MAN2A1: variants seen among roughly 807,000 people sequenced by gnomAD.
MAN2A1 encodes alpha-mannosidase 2.
MAN2A1 carries 76 observed loss-of-function variants against 142.6 expected under a neutral mutation model. That is an observed-to-expected ratio of 0.53 (90% confidence interval 0.44 to 0.65). The LOEUF is 0.65. Among genes scored for constraint, MAN2A1 ranks in the 30% least tolerant of loss-of-function variants. The pLI is 0.00. For synonymous variants in MAN2A1, 559 were observed against 473.2 expected, an observed-to-expected ratio of 1.18 and a Z score of -2.35; for missense variants, 1,311 against 1,365.1, an observed-to-expected ratio of 0.96 and a Z score of 0.62.
intron 1 of MAN2A1, among the ~76,000 whole-genome samples, chr5:109,710,929 A>G (rs1273216212): frequency 6.6e-6 from 1 of 152,164 alleles, no homozygotes; most frequent in African/African-American, 2.4e-5. Flanking sequence ...AACTCAGGTG[A>G]TCCGCCCGCT....
intron 19 of MAN2A1, 75 bp from the exon 20 acceptor site, chr5:109,855,065 C>T: frequency 3.0e-6 from 2 of 677,630 alleles, no homozygotes; most frequent in Non-Finnish European, 4.5e-6. Context: ...ATATTAAACC[C>T]TCTCAGATAA....
Position 109,770,508 on chromosome 5 carries a change from C to A in MAN2A1, c.1163C>A (p.Pro388Gln). 1 of 1,613,848 alleles carries A rather than the reference C, an allele frequency of 6.2e-7. No homozygotes were observed. Among genetic ancestry groups the A allele is most frequent in the African/African-American group, 1.3e-5 (1 of 75,014 alleles). ...GRFGCPWGVP[P>Q]ETIHPGNVQS... ...TTTGGTTGTCCCTGGGGAGTCCCCC[C>A]AGAAACAATACATCCTGGAAATGTC... Residue 388 changes from proline (P) to glutamine (Q), a missense_variant, in exon 7 of 22, where the codon CCA becomes CAA. Transcript: ENST00000261483.
intron 12 of MAN2A1, among the ~76,000 whole-genome samples, chr5:109,799,005 T>A (rs1194887724): frequency 6.6e-6 from 1 of 152,162 alleles, no homozygotes; most frequent in Non-Finnish European, 1.5e-5. Context: ...TTCTGTTTTT[T>A]AAATGTGTCT....
intron 1 of MAN2A1, among the ~76,000 whole-genome samples, chr5:109,700,904 C>A (rs550588381): frequency 6.6e-6 from 1 of 152,164 alleles, no homozygotes; most frequent in African/African-American, 2.4e-5. Flanking sequence ...ACATATGTTA[C>A]TTGTTTTGAA....
rs776727104 is a variant in MAN2A1 at position 109,823,866 on chromosome 5, CAT to C, written c.2566+32_2566+33del. 2.6e-6 allele frequency: 3 copies of C among 1,134,598 alleles called. No homozygotes were observed. The South Asian group carries it at 4.6e-5, about 17-fold the overall frequency. The allele number at this position is 1,134,598 out of a possible 1,614,324, so 70.3% of individuals were successfully genotyped here. A position where few individuals can be genotyped will look rare whatever the true frequency, so the allele number is the denominator to read the frequency against. On this transcript the variant is annotated intron_variant, in intron 16 of 21. Coordinates refer to ENST00000261483, the MANE Select transcript of MAN2A1 (RefSeq NM_002372.4). Reference sequence around the variant, plus strand: ...AGAAAATAGGAATGCAGTTATGAAACATATGTATTATGGTTTTTGAATTCTTG... The same window carrying C: ...AGAAAATAGGAATGCAGTTATGAAACATGTATTATGGTTTTTGAATTCTTG...
At chr5:109,742,315 G>T (rs1229124156) in intron 4 of MAN2A1, among the ~76,000 whole-genome samples, 2 of 152,190 alleles carry the variant, frequency 1.3e-5, no homozygotes, top group African/African-American at 2.4e-5. Context: ...GTGAAAAGGG[G>T]CTCCAAATGT....
At chr5:109,825,976 G>A (rs368029869) in intron 16 of MAN2A1, among the ~76,000 whole-genome samples, 3 of 134,012 alleles carry the variant, frequency 2.2e-5, no homozygotes, top group East Asian at 4.8e-4. Flanking sequence ...GAGCGATCTC[G>A]GCTCACTGCA....
chr5:109,855,064 C>A, intron 19 of MAN2A1, 76 bp from the exon 20 acceptor site: 22 of 641,918 alleles, frequency 3.4e-5, no homozygotes, highest in South Asian at 1.3e-4. Context: ...TATATTAAAC[C>A]CTCTCAGATA....
At position 109,844,619 on chromosome 5, in the gene MAN2A1, G is replaced by T. The variant is rs181358356; in HGVS notation, c.2701-1246G>T. Reference sequence around the variant, plus strand: ...TGGAGACTAGATTTCTAACATCAGGGTGTTGGCAGGGCCATATTCCCTCCA... The same window carrying T: ...TGGAGACTAGATTTCTAACATCAGGTTGTTGGCAGGGCCATATTCCCTCCA... On this transcript the variant is annotated intron_variant, in intron 17 of 21. Coordinates refer to ENST00000261483, the MANE Select transcript of MAN2A1 (RefSeq NM_002372.4). 3.3e-5 allele frequency among the ~76,000 whole-genome samples: 5 copies of T among 152,232 alleles called. No homozygotes were observed. In the East Asian group the frequency reaches 9.6e-4, roughly 29 times the overall value.
chr5:109,847,393 T>C (rs530812000), intron 18 of MAN2A1, among the ~76,000 whole-genome samples: 2 of 152,352 alleles, frequency 1.3e-5, no homozygotes, highest in East Asian at 1.9e-4. Flanking sequence ...ATCTGTCCTG[T>C]CTCACTTTTA....
In MAN2A1 at chr5:109,810,622, T is replaced by G. The variant is rs3797687; in HGVS notation, c.1944-6651T>G. Among the ~76,000 whole-genome samples, 20 of 152,334 alleles carry G rather than the reference T, an allele frequency of 1.3e-4. No individual in the cohort carries two copies. In the East Asian group the frequency reaches 3.1e-3, roughly 23 times the overall value. Reference sequence around the variant, plus strand: ...ACAAAATGCTCTTTTGATCTCTTTGTTCCCCAGTGATTTCTTCCAGACTTT... The same window carrying G: ...ACAAAATGCTCTTTTGATCTCTTTGGTCCCCAGTGATTTCTTCCAGACTTT... On this transcript the variant is annotated intron_variant, in intron 12 of 21. Transcript: ENST00000261483.
chr5:109,746,262 A>G (rs1239672849), intron 4 of MAN2A1, among the ~76,000 whole-genome samples: 1 of 152,210 alleles, frequency 6.6e-6, no homozygotes, highest in African/African-American at 2.4e-5. Flanking sequence ...GATGTGAACC[A>G]CCGCGTCTGG....
At chr5:109,851,889 A>G (rs1755491064) in intron 19 of MAN2A1, among the ~76,000 whole-genome samples, 1 of 152,090 alleles carries the variant, frequency 6.6e-6, no homozygotes, top group South Asian at 2.1e-4. Context: ...GGTTTAGAAA[A>G]GTGACAGCAT....
intron 6 of MAN2A1, 31 bp downstream of exon 6, chr5:109,767,739 T>C: frequency 6.3e-7 from 1 of 1,586,592 alleles, no homozygotes; most frequent in South Asian, 1.1e-5. Context: ...GTTGATCCCA[T>C]TTGGCCTAGA....
At chr5:109,732,063 G>A (rs1486000564) in intron 4 of MAN2A1, among the ~76,000 whole-genome samples, 1 of 151,970 alleles carries the variant, frequency 6.6e-6, no homozygotes, top group Non-Finnish European at 1.5e-5. Context: ...TCTAACTGGA[G>A]TGAGATGGTA....
At chr5:109,738,362 C>G (rs1236113953) in intron 4 of MAN2A1, among the ~76,000 whole-genome samples, 1 of 151,706 alleles carries the variant, frequency 6.6e-6, no homozygotes, top group African/African-American at 2.4e-5. Flanking sequence ...CACTCCTAGA[C>G]TAAGATTTAT....
At chr5:109,826,049 G>A (rs1754750652) in intron 16 of MAN2A1, among the ~76,000 whole-genome samples, 1 of 151,578 alleles carries the variant, frequency 6.6e-6, no homozygotes, top group Non-Finnish European at 1.5e-5. Flanking sequence ...GGGACTACAG[G>A]TGTACACCAC....
At position 109,789,065 on chromosome 5, in the gene MAN2A1, A is replaced by G. The variant is rs200699568; in HGVS notation, c.1875+17A>G. ...CTGGAGATGGTTAGTAATTTCATCT[A>G]TGGTCATCATAAAAATGTGTAATTC... On this transcript the variant is annotated intron_variant, in intron 11 of 21. Coordinates refer to ENST00000261483, the MANE Select transcript of MAN2A1 (RefSeq NM_002372.4). The G allele has an allele frequency of 5.1e-5, 64 of 1,257,160 alleles. No homozygotes were observed. The highest frequency in any genetic ancestry group is 9.4e-5 in the East Asian group (4 of 42,374). 77.9% of individuals were successfully genotyped at this position (1,257,160 alleles called of 1,614,324 possible). A position where few individuals can be genotyped will look rare whatever the true frequency, so the allele number is the denominator to read the frequency against.
intron 16 of MAN2A1, among the ~76,000 whole-genome samples, chr5:109,824,431 G>T (rs907116385): frequency 1.1e-4 from 16 of 152,186 alleles, no homozygotes; most frequent in African/African-American, 3.1e-4. Context: ...ATTCCATGGG[G>T]TCTGAGTGGA....
Sources: gnomAD v4.1 joint callset for allele counts (sites outside exome capture counted in the v4.1 genomes callset) on GRCh38, gnomAD v4.1.1 for gene constraint, MANE v1.5 for transcripts, NCBI Gene and HGNC (gene_info 2026-07-23, HGNC 2026-07-21) for gene names.